The following IQANK1 variants were observed in gnomAD, a reference collection of about 807,000 sequenced individuals.
IQANK1 encodes IQ motif and ankyrin repeat domain-containing protein 1.
Under a neutral mutation model 22.6 loss-of-function variants are expected in IQANK1, and 30 were observed. The observed-to-expected ratio is 1.33, with a 90% CI of 0.99 to 1.80. The LOEUF (loss-of-function observed/expected upper bound fraction) is 1.80. IQANK1 is among the 40% of genes most tolerant of loss of function. The pLI is 0.00. For missense variants in IQANK1, 275 were observed against 235.2 expected, an observed-to-expected ratio of 1.17 and a Z score of -1.11; for synonymous variants, 122 against 99.6, an observed-to-expected ratio of 1.23 and a Z score of -1.34.
intron 7 of IQANK1, among the ~76,000 whole-genome samples, chr8:143,787,884 C>A (rs1240703356): frequency 6.6e-6 from 1 of 152,070 alleles, no homozygotes; most frequent in Non-Finnish European, 1.5e-5. Context: ...TGTCCACCTC[C>A]ACCTGGCCCC....
At chr8:143,764,441 T>G (rs1554629070) in intron 3 of IQANK1, among the ~76,000 whole-genome samples, 1 of 119,064 alleles carries the variant, frequency 8.4e-6, no homozygotes, top group Non-Finnish European at 1.7e-5. Context: ...ATGGTGAGAC[T>G]CCGTCGCTAC....
At chr8:143,754,491 G>T (rs766863066) in intron 3 of IQANK1, among the ~76,000 whole-genome samples, 1 of 152,158 alleles carries the variant, frequency 6.6e-6, no homozygotes, top group Admixed American at 6.6e-5. Context: ...TGGGCAGTTG[G>T]GCTGAGGGGC....
chr8:143,756,043 G>T (rs1233389854), intron 3 of IQANK1, among the ~76,000 whole-genome samples: 2 of 152,146 alleles, frequency 1.3e-5, no homozygotes, highest in Non-Finnish European at 2.9e-5. Context: ...ATCCCTCTTG[G>T]TACATCTCCC....
chr8:143,751,658 G>GTATATATATATATA (rs1325258601), intron 3 of IQANK1, among the ~76,000 whole-genome samples: 226 of 38,778 alleles, frequency 5.8e-3, no homozygotes, highest in Non-Finnish European at 0.014. Flanking sequence ...GTGTGTGTGT[G>GTATATATATATATA]TGTGTGTATA....
At position 143,774,509 on chromosome 8, in the gene IQANK1, C is replaced by T. The variant is rs140868163; in HGVS notation, c.789+2027C>T. The stretch of plus-strand genomic sequence containing the variant: ...AGGTCAAACTAGAGCTGGAGCCGAA[C>T]GAGGGCAGGGATGTGGGGAAGCTGG... On this transcript the variant is annotated intron_variant, in intron 7 of 13. Coordinates refer to ENST00000527139, the MANE Select transcript of IQANK1 (RefSeq NM_001381874.1). This position sits in a 1 kb window ranked among gnomAD's most constrained non-coding sequence, Gnocchi z 4.2. Among the ~76,000 whole-genome samples the T allele has an allele frequency of 5.6e-4, 86 of 152,278 alleles. 1 individual carries two copies. Among genetic ancestry groups the T allele is most frequent in the Middle Eastern group, 3.4e-3 (1 of 294 alleles).
At chr8:143,738,752 A>T (rs936467612) in intron 2 of IQANK1, among the ~76,000 whole-genome samples, 5 of 151,946 alleles carry the variant, frequency 3.3e-5, no homozygotes, top group Non-Finnish European at 7.4e-5. Flanking sequence ...GGAAACTCAA[A>T]CTGCAGGCCA....
chr8:143,780,391 G>A (rs1379531132), intron 7 of IQANK1, among the ~76,000 whole-genome samples: 3 of 152,110 alleles, frequency 2.0e-5, no homozygotes, highest in Admixed American at 6.6e-5. Flanking sequence ...AGGTGACATA[G>A]TCATGGGGAT....
chr8:143,755,900 G>A (rs1046303056), intron 3 of IQANK1, among the ~76,000 whole-genome samples: 4 of 151,976 alleles, frequency 2.6e-5, no homozygotes, highest in Admixed American at 1.3e-4. Context: ...GGCAGCCTTG[G>A]GGGGAGGAAG....
chr8:143,740,299 G>A (rs1486242254), intron 3 of IQANK1, among the ~76,000 whole-genome samples: 4 of 152,002 alleles, frequency 2.6e-5, no homozygotes, highest in Non-Finnish European at 4.4e-5. Context: ...TGCCCGCCCC[G>A]CGCGCGCCGC....
chr8:143,738,270 G>A (rs1554625966), intron 2 of IQANK1, among the ~76,000 whole-genome samples: 2 of 152,328 alleles, frequency 1.3e-5, no homozygotes, highest in East Asian at 3.9e-4. Flanking sequence ...CCAGGTGTCT[G>A]CTCCCCAGGG....
At chr8:143,764,559 G>A (rs550445117) in intron 3 of IQANK1, among the ~76,000 whole-genome samples, 7 of 151,852 alleles carry the variant, frequency 4.6e-5, no homozygotes, top group Admixed American at 1.3e-4. Context: ...CCGTGATGGC[G>A]TCACTGCACT....
At chr8:143,765,633 GCAAATTTCTTTTC>G (rs1434191804) in intron 3 of IQANK1, among the ~76,000 whole-genome samples, 5 of 152,122 alleles carry the variant, frequency 3.3e-5, no homozygotes, top group Non-Finnish European at 7.3e-5. Context: ...TTTATGTGTT[GCAAATTTCTTTTC>G]CAAATTTATA....
chr8:143,769,722 T>G (rs1170188616), intron 3 of IQANK1, among the ~76,000 whole-genome samples: 1 of 152,180 alleles, frequency 6.6e-6, no homozygotes, highest in Non-Finnish European at 1.5e-5. Flanking sequence ...TTTGGAGACC[T>G]CGTTCTTCAT....
chr8:143,772,230 G>A lies in IQANK1; in HGVS notation c.650G>A (p.Ser217Asn). ...AIQLRAELGA[S>N]PNSKGAFGPT... ...CAGCTGCGGGCCGAGCTCGGCGCCA[G>A]CCCCAACAGCAAGGTGGGCGCCGTG... The change falls in exon 6 of 14, where the codon AGC (serine) becomes AAC (asparagine). Residue 217 changes from serine (S) to asparagine (N), a missense_variant. Coordinates refer to ENST00000527139, the MANE Select transcript of IQANK1 (RefSeq NM_001381874.1). The A allele has an allele frequency of 2.5e-6, 1 of 396,110 alleles. No individual in the cohort carries two copies. Among genetic ancestry groups the A allele is most frequent in the Non-Finnish European group, 4.5e-6 (1 of 224,418 alleles). 24.5% of individuals were successfully genotyped at this position (396,110 alleles called of 1,614,324 possible). A position where few individuals can be genotyped will look rare whatever the true frequency, so the allele number is the denominator to read the frequency against.
At chr8:143,783,618 G>A (rs1428859310) in intron 7 of IQANK1, among the ~76,000 whole-genome samples, 1 of 152,058 alleles carries the variant, frequency 6.6e-6, no homozygotes. Context: ...TATGGTTGGT[G>A]CCTTTTATGT....
At chr8:143,747,263 G>A (rs1554627326) in intron 3 of IQANK1, among the ~76,000 whole-genome samples, 6 of 151,730 alleles carry the variant, frequency 4.0e-5, no homozygotes, top group Non-Finnish European at 2.9e-5. Context: ...CTCTTTTTTC[G>A]TTAGTCCATC....
In IQANK1 at chr8:143,789,758, C is replaced by T. The variant is rs1819984216; in HGVS notation, c.1087-3C>T. 1 of 1,231,816 alleles carries T rather than the reference C, an allele frequency of 8.1e-7. No individual in the cohort carries two copies. Among genetic ancestry groups the T allele is most frequent in the East Asian group, 3.2e-5 (1 of 31,704 alleles). 76.3% of individuals were successfully genotyped at this position (1,231,816 alleles called of 1,614,324 possible). A position where few individuals can be genotyped will look rare whatever the true frequency, so the allele number is the denominator to read the frequency against. On this transcript the variant is annotated splice_region_variant and splice_polypyrimidine_tract_variant and intron_variant, in intron 10 of 13. Transcript: ENST00000527139. ...AGCAAGTCAGTGTGGCCTCCTCCTC[C>T]AGGCCATCAAGGACACAGAGGCCCA...
intron 3 of IQANK1, chr8:143,743,042 C>G: frequency 2.2e-6 from 1 of 456,024 alleles, no homozygotes. Flanking sequence ...GATGGGGGGG[C>G]CCTGTGCCTG....
At position 143,781,156 on chromosome 8, in the gene IQANK1, G is replaced by T. The variant is rs1303138965; in HGVS notation, c.790-7759G>T. ...TGAAAAGTGTCTGTTCATTTTCTTT[G>T]TTCACTTTTTAATGGGGTTTTCTCT... On this transcript the variant is annotated intron_variant, in intron 7 of 13. Transcript: ENST00000527139. Among the ~76,000 whole-genome samples, 3 of 152,038 alleles carry T rather than the reference G, an allele frequency of 2.0e-5. No homozygotes were observed. In the East Asian group the frequency reaches 5.8e-4, roughly 29 times the overall value.
Sources: gnomAD v4.1 joint callset for allele counts (sites outside exome capture counted in the v4.1 genomes callset) on GRCh38, gnomAD v4.1.1 for gene constraint, Gnocchi (gnomAD v3.1) non-coding constraint, MANE v1.5 for transcripts, NCBI Gene and HGNC (gene_info 2026-07-23, HGNC 2026-07-21) for gene names.